The following GPC5 variants were observed in gnomAD, a reference collection of about 807,000 sequenced individuals.
GPC5 encodes glypican 5.
Under a neutral mutation model 53.9 loss-of-function variants are expected in GPC5, and 47 were observed. The ratio of observed to expected loss-of-function variants is 0.87; its 90% CI spans 0.69 to 1.11. The LOEUF (loss-of-function observed/expected upper bound fraction) is 1.11, where lower values mean the gene tolerates loss of function less well. Ranked by LOEUF, GPC5 falls within the 50% of genes most tolerant of loss-of-function variation. The pLI, the probability that GPC5 is intolerant of heterozygous loss-of-function variation, is 0.00. For synonymous variants in GPC5, 286 were observed against 263.3 expected (o/e 1.09, Z -0.84); for missense variants, 748 against 713.1 (o/e 1.05, Z -0.56).
intron 7 of GPC5, among the ~76,000 whole-genome samples, chr13:92,800,738 A>G (rs1218306235): frequency 1.3e-5 from 2 of 151,884 alleles, no homozygotes; most frequent in Non-Finnish European, 2.9e-5. Context: ...TGGTTTCTTC[A>G]TTGATACAGA....
At chr13:92,095,145 A>T (rs766620474) in intron 6 of GPC5, among the ~76,000 whole-genome samples, 5 of 152,186 alleles carry the variant, frequency 3.3e-5, no homozygotes, top group African/African-American at 4.8e-5. Flanking sequence ...TCTGTGCATT[A>T]TCAATAGAAG....
At position 91,694,296 on chromosome 13, in the gene GPC5, C is replaced by T. The variant is rs367606907; in HGVS notation, c.1020+415C>T. On this transcript the variant is annotated intron_variant, in intron 3 of 7. Transcript: ENST00000377067. ...TGTGTGCAAACTACTTAGTATGGTA[C>T]CTGGTACTCCAAAAATGGGTAGTTA... 9.2e-5 allele frequency among the ~76,000 whole-genome samples: 14 copies of T among 152,196 alleles called. No homozygotes were observed. The East Asian group carries it at 2.7e-3, about 29-fold the overall frequency.
intron 7 of GPC5, among the ~76,000 whole-genome samples, chr13:92,500,958 C>T (rs955162162): frequency 6.6e-6 from 1 of 152,084 alleles, no homozygotes; most frequent in Non-Finnish European, 1.5e-5. Flanking sequence ...AATCTAGTGG[C>T]TTGACCCCTA....
chr13:92,170,390 G>C (rs2042060886), intron 7 of GPC5, among the ~76,000 whole-genome samples: 1 of 145,562 alleles, frequency 6.9e-6, no homozygotes, highest in Non-Finnish European at 1.5e-5. Flanking sequence ...TACCCACAAA[G>C]CAAGTTTTTC....
At chr13:92,830,569 G>T (rs1303266495) in intron 7 of GPC5, among the ~76,000 whole-genome samples, 1 of 151,974 alleles carries the variant, frequency 6.6e-6, no homozygotes, top group Non-Finnish European at 1.5e-5. Flanking sequence ...CATTCAGAAA[G>T]CCAAGTCTAT....
chr13:92,104,652 G>C (rs951964481), intron 6 of GPC5, among the ~76,000 whole-genome samples: 3 of 152,130 alleles, frequency 2.0e-5, no homozygotes, highest in African/African-American at 7.2e-5. Context: ...GATGGGTAGA[G>C]TGCTAAAAGG....
chr13:92,040,715 T>C (rs1217989677), intron 6 of GPC5, among the ~76,000 whole-genome samples: 4 of 152,218 alleles, frequency 2.6e-5, no homozygotes, highest in Non-Finnish European at 5.9e-5. Context: ...GAAATAATTC[T>C]GTTTTTAGTC....
intron 2 of GPC5, among the ~76,000 whole-genome samples, chr13:91,680,239 A>G (rs1431613273): frequency 6.6e-6 from 1 of 152,182 alleles, no homozygotes; most frequent in Admixed American, 6.5e-5. Flanking sequence ...TCATGAGGTC[A>G]GGCGTTCTAG....
chr13:92,254,087 G>T lies in GPC5; in HGVS notation c.1561+109098G>T, dbSNP rs929698014. 3.3e-5 allele frequency among the ~76,000 whole-genome samples: 5 copies of T among 151,992 alleles called. 1 individual carries two copies. The highest frequency in any genetic ancestry group is 6.3e-3 in the Middle Eastern group (2 of 316). ...CTAAGCTGCCTGAAGGTAGTCAAAGGCCATGTTCAACCCAAGAAAAAATCA... is the reference window on the plus strand; with the variant it reads ...CTAAGCTGCCTGAAGGTAGTCAAAGTCCATGTTCAACCCAAGAAAAAATCA... On this transcript the variant is annotated intron_variant, in intron 7 of 7. Coordinates refer to ENST00000377067, the MANE Select transcript of GPC5 (RefSeq NM_004466.6).
Position 92,818,082 on chromosome 13 carries a change from G to A in GPC5, c.1562-48200G>A, listed in dbSNP as rs892048708. ...GGCTGGAGTGCAGTGGCGCGATCGC[G>A]GCTCACTGCAGCCTCTGCCTTCTGG... On this transcript the variant is annotated intron_variant, in intron 7 of 7. Coordinates refer to ENST00000377067, the MANE Select transcript of GPC5 (RefSeq NM_004466.6). 4.7e-5 allele frequency among the ~76,000 whole-genome samples: 7 copies of A among 150,474 alleles called. 1 individual carries two copies. The highest frequency in any genetic ancestry group is 6.6e-5 in the Admixed American group (1 of 15,098).
intron 6 of GPC5, among the ~76,000 whole-genome samples, chr13:92,087,765 C>G (rs2041347418): frequency 6.6e-6 from 1 of 152,148 alleles, no homozygotes; most frequent in Non-Finnish European, 1.5e-5. Flanking sequence ...CTTCCCACTT[C>G]TCTCTTATTT....
chr13:92,449,366 T>C (rs1877964203), intron 7 of GPC5, among the ~76,000 whole-genome samples: 1 of 152,152 alleles, frequency 6.6e-6, no homozygotes, highest in African/African-American at 2.4e-5. Context: ...GCCTCTCATG[T>C]CATCGAGTCA....
chr13:92,218,019 G>T (rs1480471644), intron 7 of GPC5, among the ~76,000 whole-genome samples: 3 of 148,930 alleles, frequency 2.0e-5, no homozygotes, highest in African/African-American at 7.5e-5. Context: ...TAATTCTTGG[G>T]CTCCAGCGGT....
At position 92,362,683 on chromosome 13, in the gene GPC5, G is replaced by A. The variant is rs986943544; in HGVS notation, c.1561+217694G>A. On this transcript the variant is annotated intron_variant, in intron 7 of 7. Transcript: ENST00000377067. ...GGCCCTTTGGTTTCTCCCATTGCCA[G>A]GAACCCAAGTGCAAGTCTTAGAAGG... is the stretch of plus-strand genomic sequence containing the variant. Among the ~76,000 whole-genome samples, 3 of 151,726 alleles carry A rather than the reference G, an allele frequency of 2.0e-5. 1 individual carries two copies. Among genetic ancestry groups the A allele is most frequent in the African/African-American group, 7.3e-5 (3 of 41,016 alleles).
chr13:91,867,197 A>G (rs1463815554), intron 5 of GPC5, among the ~76,000 whole-genome samples: 1 of 152,202 alleles, frequency 6.6e-6, no homozygotes, highest in Non-Finnish European at 1.5e-5. Flanking sequence ...CCTGGGAAAC[A>G]AGAGTGAAAC....
At chr13:91,993,592 A>C (rs1272169696) in intron 6 of GPC5, among the ~76,000 whole-genome samples, 2 of 152,196 alleles carry the variant, frequency 1.3e-5, no homozygotes, top group African/African-American at 2.4e-5. Context: ...TCCAGGTTGA[A>C]TGTGTGTGTC....
rs934514139 is a variant in GPC5, at chr13:91,525,948, G to C, written c.325+77026G>C. On this transcript the variant is annotated intron_variant, in intron 2 of 7. Coordinates refer to ENST00000377067, the MANE Select transcript of GPC5 (RefSeq NM_004466.6). ...TGAACATTTGTCCTCTACCACTACA[G>C]GTGTCAAAAGTTGAATTTATGTAGC... 2.6e-5 allele frequency among the ~76,000 whole-genome samples: 4 copies of C among 152,272 alleles called. No individual in the cohort carries two copies. The East Asian group carries it at 7.7e-4, about 29-fold the overall frequency.
intron 7 of GPC5, among the ~76,000 whole-genome samples, chr13:92,601,876 C>A (rs1884071189): frequency 6.6e-6 from 1 of 151,546 alleles, no homozygotes; most frequent in African/African-American, 2.4e-5. Context: ...TGACATTTTT[C>A]ATAACTTAAG....
At chr13:92,230,631 A>G (rs1036731766) in intron 7 of GPC5, among the ~76,000 whole-genome samples, 3 of 152,210 alleles carry the variant, frequency 2.0e-5, no homozygotes, top group South Asian at 2.1e-4. Context: ...CACTAAGTCA[A>G]TTAACTTTCC....
Sources: allele counts gnomAD v4.1 joint callset (sites outside exome capture counted in the v4.1 genomes callset), GRCh38; gene constraint gnomAD v4.1.1; transcripts MANE v1.5; gene names NCBI Gene and HGNC (gene_info 2026-07-23, HGNC 2026-07-21).